The following LRP2BP variants were observed in gnomAD, a reference collection of about 807,000 sequenced individuals.
The protein encoded by LRP2BP is LRP2-binding protein.
Under a neutral mutation model 45.2 loss-of-function variants are expected in LRP2BP, and 38 were observed. The observed-to-expected ratio is 0.84, with a 90% CI of 0.65 to 1.10. The LOEUF (loss-of-function observed/expected upper bound fraction) is 1.10, where lower values mean the gene tolerates loss of function less well. Ranked by LOEUF, LRP2BP falls within the 50% of genes least tolerant of loss-of-function variation. LRP2BP has a pLI of 0.00. For missense variants in LRP2BP, 385 were observed against 418.9 expected, an observed-to-expected ratio of 0.92 and a Z score of 0.71; for synonymous variants, 153 against 153.9, an observed-to-expected ratio of 0.99 and a Z score of 0.04.
At chr4:185,373,547 T>A (rs2095423221) in intron 6 of LRP2BP, among the ~76,000 whole-genome samples, 2 of 152,208 alleles carry the variant, frequency 1.3e-5, no homozygotes, top group Admixed American at 6.5e-5. Flanking sequence ...CACATTTGCC[T>A]CATACTCTGC....
chr4:185,396,990 A>G, upstream of LRP2BP: 1 of 1,612,730 alleles, frequency 6.2e-7, no homozygotes, highest in Non-Finnish European at 8.5e-7. Context: ...TTTGTCCTGC[A>G]GGCTCAAGCT....
At position 185,367,239 on chromosome 4, in the gene LRP2BP, G is replaced by A. The variant is rs759184029; in HGVS notation, c.985C>T (p.Arg329Cys). ...TCATCTGCCAATGCGGGATTCAGAC[G>A]ACAAGCCTTAAAATCAAAAAGAGTC... ...TAKHYYSKAC[R>C]LNPALADELH... is the part of the protein sequence containing the mutation. Residue 329 changes from arginine (R) to cysteine (C), a missense_variant, in exon 9 of 9, where the codon CGT (arginine) becomes TGT (cysteine). Transcript: ENST00000505916. 36 of 1,610,640 alleles carry A rather than the reference G, an allele frequency of 2.2e-5. No individual in the cohort carries two copies. Among genetic ancestry groups the A allele is most frequent in the Middle Eastern group, 1.7e-4 (1 of 6,056 alleles).
intron 1 of LRP2BP, among the ~76,000 whole-genome samples, chr4:185,390,269 G>A (rs2095484613): frequency 6.6e-6 from 1 of 152,182 alleles, no homozygotes; most frequent in Non-Finnish European, 1.5e-5. Flanking sequence ...CCAGTACTTT[G>A]AGAGGCCAAG....
In LRP2BP at chr4:185,371,425, C is replaced by T. The variant is rs202204193; in HGVS notation, c.804-611G>A. ...GGCATGGTAGCGGGTGCCTGTAGTC[C>T]CAGCTACTCGGGAGGCTGAGGCAGG... On this transcript the variant is annotated intron_variant, in intron 7 of 8. Coordinates refer to ENST00000505916, the MANE Select transcript of LRP2BP (RefSeq NM_001377440.1). Among the ~76,000 whole-genome samples, 107 of 151,810 alleles carry T rather than the reference C, an allele frequency of 7.0e-4. 1 individual carries two copies. In the Middle Eastern group the frequency reaches 0.014, roughly 19 times the overall value.
intron 1 of LRP2BP, among the ~76,000 whole-genome samples, chr4:185,386,232 C>G (rs2095471508): frequency 6.6e-6 from 1 of 152,070 alleles, no homozygotes; most frequent in South Asian, 2.1e-4. Flanking sequence ...TCTGGGAATC[C>G]AAAGGGATCA....
At chr4:185,377,090 AT>A (rs776462021) in intron 2 of LRP2BP, 72 bp from the exon 3 acceptor site, 8 of 1,079,518 alleles carry the variant, frequency 7.4e-6, no homozygotes, top group Non-Finnish European at 1.1e-5. Flanking sequence ...AATGAATCAT[AT>A]AAAATCCATC....
At chr4:185,375,437 C>A (rs2095430098) in intron 4 of LRP2BP, among the ~76,000 whole-genome samples, 176 bp downstream of exon 4, 1 of 99,656 alleles carries the variant, frequency 1.0e-5, no homozygotes, top group African/African-American at 3.8e-5. Flanking sequence ...GCCTGGGCGA[C>A]AGAGCGAGAC....
chr4:185,397,124 G>T (rs1286783594), upstream of LRP2BP: 1 of 1,612,640 alleles, frequency 6.2e-7, no homozygotes, highest in Non-Finnish European at 8.5e-7. Flanking sequence ...GGTGGGAAGG[G>T]TGCTGGATCT....
chr4:185,375,643 G>A lies in LRP2BP; in HGVS notation c.300C>T (p.Tyr100=). 2 of 1,610,966 alleles carry A rather than the reference G, an allele frequency of 1.2e-6. No homozygotes were observed. Among genetic ancestry groups the A allele is most frequent in the South Asian group, 1.1e-5 (1 of 90,838 alleles). Reference sequence around the variant, plus strand: ...CTAGAGTGGTCCCCAGCCCATCATAGTACATCACTCCTAGCTGGTAAGTTG... The same window carrying A: ...CTAGAGTGGTCCCCAGCCCATCATAATACATCACTCCTAGCTGGTAAGTTG... ...HQATYQLGVM[Y]YDGLGTTLDA... The change falls in exon 4 of 9, where the codon TAC becomes TAT. Residue 100 remains tyrosine, a synonymous_variant. Coordinates refer to ENST00000505916, the MANE Select transcript of LRP2BP (RefSeq NM_001377440.1).
At chr4:185,376,308 C>T (rs1037639412) in intron 3 of LRP2BP, among the ~76,000 whole-genome samples, 18 of 152,128 alleles carry the variant, frequency 1.2e-4, no homozygotes, top group African/African-American at 4.1e-4. Context: ...GAGGGAGTCT[C>T]GCTCTGTGGC....
chr4:185,396,954 A>T (rs1011928520), upstream of LRP2BP: 2 of 1,613,490 alleles, frequency 1.2e-6, no homozygotes, highest in Admixed American at 1.7e-5. Context: ...CCCCGAGGTG[A>T]GATTCGGGCT....
chr4:185,371,959 G>A (rs1406388049), intron 7 of LRP2BP, among the ~76,000 whole-genome samples: 1 of 152,212 alleles, frequency 6.6e-6, no homozygotes, highest in Non-Finnish European at 1.5e-5. Flanking sequence ...GGCCACTCTA[G>A]AGTACACCCA....
At chr4:185,376,466 G>A (rs375100830) in intron 3 of LRP2BP, among the ~76,000 whole-genome samples, 2 of 43,852 alleles carry the variant, frequency 4.6e-5, no homozygotes, top group Non-Finnish European at 1.0e-4. Flanking sequence ...TTTTTTTTTT[G>A]TATTTTTAGT....
rs1369180221 is a variant in LRP2BP at position 185,374,447 on chromosome 4, G to A, written c.345C>T (p.Asp115=). The change falls in exon 5 of 9, where the codon GAC becomes GAT. Residue 115 remains aspartate (D), a synonymous_variant. Transcript: ENST00000505916. ...GTTLDAEKGV[D]YMKKILDSPC... is the part of the protein sequence containing the mutation. ...GAGAATCAAGAATTTTCTTCATATA[G>A]TCCACCCCTTTCTCCTTCGACAAAA... The A allele has an allele frequency of 3.7e-6, 6 of 1,611,810 alleles. No individual in the cohort carries two copies. Among genetic ancestry groups the A allele is most frequent in the African/African-American group, 2.7e-5 (2 of 74,870 alleles).
intron 7 of LRP2BP, 102 bp from the exon 8 acceptor site, chr4:185,370,916 C>G (rs1159442839): frequency 4.7e-6 from 6 of 1,270,322 alleles, no homozygotes; most frequent in South Asian, 4.0e-5. Flanking sequence ...AGTGATTTCT[C>G]TCTACTGCTT....
intron 1 of LRP2BP, among the ~76,000 whole-genome samples, chr4:185,386,141 G>A (rs973028423): frequency 4.1e-4 from 62 of 152,206 alleles, no homozygotes; most frequent in Non-Finnish European, 6.0e-4. Context: ...AGAAGTTCTG[G>A]ACAAAAAATA....
At chr4:185,376,877 G>GGA in intron 3 of LRP2BP, 32 bp downstream of exon 3, 1 of 1,487,930 alleles carries the variant, frequency 6.7e-7, no homozygotes. Flanking sequence ...CAGAATTACA[G>GGA]GAAATGAAAA....
intron 1 of LRP2BP, among the ~76,000 whole-genome samples, chr4:185,382,767 T>C (rs1580001035): frequency 6.6e-6 from 1 of 152,238 alleles, no homozygotes; most frequent in African/African-American, 2.4e-5. Flanking sequence ...TTTTTCCCAA[T>C]GTGTGGATGT....
intron 1 of LRP2BP, among the ~76,000 whole-genome samples, chr4:185,379,707 G>C (rs1175865190): frequency 6.6e-6 from 1 of 152,204 alleles, no homozygotes; most frequent in Non-Finnish European, 1.5e-5. Context: ...TTTAACGTAT[G>C]GGGAAACCAA....
Sources: gnomAD v4.1 joint callset for allele counts (sites outside exome capture counted in the v4.1 genomes callset) on GRCh38, gnomAD v4.1.1 for gene constraint, MANE v1.5 for transcripts, NCBI Gene and HGNC (gene_info 2026-07-23, HGNC 2026-07-21) for gene names.